Variants in MOB1B observed in about 807,000 individuals in gnomAD.
MOB1B encodes MOB kinase activator 1B.
Under a neutral mutation model 24.4 loss-of-function variants are expected in MOB1B, and 19 were observed. The ratio of observed to expected loss-of-function variants is 0.78; its 90% CI spans 0.54 to 1.14. The LOEUF is 1.14. Ranked by LOEUF, MOB1B falls within the 50% of genes most tolerant of loss-of-function variation. The pLI, the probability that MOB1B is intolerant of heterozygous loss-of-function variation, is 0.00. For synonymous variants in MOB1B, 76 were observed against 82.1 expected (o/e 0.93, Z 0.40); for missense variants, 243 against 259.6 (o/e 0.94, Z 0.44).
At chr4:70,971,295 C>A (rs958958528) in intron 3 of MOB1B, among the ~76,000 whole-genome samples, 1 of 152,038 alleles carries the variant, frequency 6.6e-6, no homozygotes, top group Non-Finnish European at 1.5e-5. Context: ...CACCTGAGAT[C>A]GGGAGGTTGA....
chr4:70,921,784 G>C (rs1261790641), intron 1 of MOB1B, among the ~76,000 whole-genome samples: 1 of 152,050 alleles, frequency 6.6e-6, no homozygotes, highest in South Asian at 2.1e-4. Flanking sequence ...TGGGATTACA[G>C]GCGTGAGCCA....
chr4:70,952,935 CTTTTT>C (rs71211985), intron 1 of MOB1B, among the ~76,000 whole-genome samples: 1 of 72,288 alleles, frequency 1.4e-5, no homozygotes, highest in East Asian at 4.9e-4. Flanking sequence ...GTCATTTGGT[CTTTTT>C]TTTTTTTTTT....
intron 4 of MOB1B, chr4:70,976,700 A>G (rs1458393678): frequency 2.2e-6 from 2 of 920,582 alleles, no homozygotes; most frequent in Non-Finnish European, 2.6e-6. Context: ...TATTGAATGC[A>G]TTAACCACTT....
intron 1 of MOB1B, among the ~76,000 whole-genome samples, chr4:70,932,279 A>G (rs1294106455): frequency 3.3e-5 from 5 of 152,208 alleles, no homozygotes; most frequent in Admixed American, 3.3e-4. Flanking sequence ...ATGATTTGCA[A>G]TCAAAATGAT....
chr4:70,978,187 T>A (rs1483177209), intron 4 of MOB1B, among the ~76,000 whole-genome samples: 1 of 152,246 alleles, frequency 6.6e-6, no homozygotes, highest in African/African-American at 2.4e-5. Context: ...ACAATATTTT[T>A]CTTTTTGTGT....
intron 1 of MOB1B, among the ~76,000 whole-genome samples, chr4:70,958,476 C>CTT (rs200791596): frequency 6.6e-6 from 1 of 151,686 alleles, no homozygotes; most frequent in African/African-American, 2.4e-5. Context: ...GAACATGTAG[C>CTT]TTTTTTTTCT....
At chr4:70,969,224 C>T (rs1393703323) in intron 2 of MOB1B, among the ~76,000 whole-genome samples, 1 of 152,110 alleles carries the variant, frequency 6.6e-6, no homozygotes, top group African/African-American at 2.4e-5. Flanking sequence ...CTGACTTCCT[C>T]GGCTCAAGGA....
chr4:70,908,705 G>A (rs950286840), intron 1 of MOB1B, among the ~76,000 whole-genome samples: 12 of 151,414 alleles, frequency 7.9e-5, no homozygotes, highest in Non-Finnish European at 1.6e-4. Flanking sequence ...AACCCGTGAG[G>A]TGGAGGTTGC....
intron 1 of MOB1B, chr4:70,950,684 T>C: frequency 1.5e-6 from 2 of 1,354,632 alleles, no homozygotes; most frequent in Non-Finnish European, 2.0e-6. Context: ...TAATCATCAT[T>C]ATTATCCTGA....
chr4:70,932,391 T>C (rs1736919964), intron 1 of MOB1B, among the ~76,000 whole-genome samples: 1 of 152,142 alleles, frequency 6.6e-6, no homozygotes, highest in Admixed American at 6.6e-5. Flanking sequence ...TCAAGGAATT[T>C]TTTTCTTTTT....
intron 4 of MOB1B, among the ~76,000 whole-genome samples, chr4:70,977,509 A>T (rs1411838890): frequency 6.6e-6 from 1 of 152,160 alleles, no homozygotes; most frequent in African/African-American, 2.4e-5. Flanking sequence ...TTTAAAATAA[A>T]TTTTATTGTA....
At chr4:70,923,817 G>A (rs906573914) in intron 1 of MOB1B, among the ~76,000 whole-genome samples, 5 of 151,608 alleles carry the variant, frequency 3.3e-5, no homozygotes, top group Admixed American at 2.6e-4. Flanking sequence ...GGGCCTGGTC[G>A]TGGGCGCCTG....
chr4:70,965,977 A>G (rs1341449289), intron 2 of MOB1B, among the ~76,000 whole-genome samples: 1 of 152,020 alleles, frequency 6.6e-6, no homozygotes, highest in Non-Finnish European at 1.5e-5. Context: ...AAAAACTGTA[A>G]TCTATTTAAA....
At chr4:70,965,981 A>G (rs1382108905) in intron 2 of MOB1B, among the ~76,000 whole-genome samples, 1 of 152,064 alleles carries the variant, frequency 6.6e-6, no homozygotes, top group African/African-American at 2.4e-5. Flanking sequence ...ACTGTAATCT[A>G]TTTAAAAACC....
chr4:70,936,803 T>C (rs539691066), intron 1 of MOB1B, among the ~76,000 whole-genome samples: 3 of 152,354 alleles, frequency 2.0e-5, no homozygotes, highest in South Asian at 2.1e-4. Flanking sequence ...TGATTGGCAT[T>C]ATGTCAGAGG....
intron 1 of MOB1B, among the ~76,000 whole-genome samples, chr4:70,912,019 C>G (rs541300229): frequency 7.1e-4 from 107 of 151,630 alleles, no homozygotes; most frequent in African/African-American, 2.6e-3. Context: ...GCCTCAACCT[C>G]CCGAGTAGCT....
chr4:70,936,698 T>C (rs1283533048), intron 1 of MOB1B, among the ~76,000 whole-genome samples: 2 of 152,320 alleles, frequency 1.3e-5, no homozygotes, highest in East Asian at 3.9e-4. Flanking sequence ...GGTTTACTTT[T>C]GTATTTTGGT....
intron 1 of MOB1B, among the ~76,000 whole-genome samples, chr4:70,949,909 C>T (rs542215287): frequency 6.7e-6 from 1 of 148,648 alleles, no homozygotes. Flanking sequence ...ACCCTGTCTT[C>T]AAAAAAATAC....
At chr4:70,909,091 C>T (rs1735876906) in intron 1 of MOB1B, among the ~76,000 whole-genome samples, 1 of 150,794 alleles carries the variant, frequency 6.6e-6, no homozygotes, top group East Asian at 1.9e-4. Flanking sequence ...AAAAGAGACT[C>T]ATGATAGTGC....
Sources: allele counts gnomAD v4.1 joint callset (sites outside exome capture counted in the v4.1 genomes callset), GRCh38; gene constraint gnomAD v4.1.1; transcripts MANE v1.5; gene names NCBI Gene and HGNC (gene_info 2026-07-23, HGNC 2026-07-21).